ATP13A5: variants seen among roughly 807,000 people sequenced by gnomAD.
ATP13A5 encodes the protein ATPase 13A5, also known as probable cation-transporting ATPase 13A5.
ATP13A5 carries 149 observed loss-of-function variants against 150.2 expected under a neutral mutation model. The observed-to-expected ratio is 0.99, with a 90% CI of 0.87 to 1.14. The LOEUF (loss-of-function observed/expected upper bound fraction) is 1.14. Among genes scored for constraint, ATP13A5 ranks in the 50% most tolerant of loss-of-function variants. The probability of loss-of-function intolerance (pLI) is 0.00; values close to 1 mark genes in which losing one functional copy is unlikely to be tolerated. For missense variants in ATP13A5, 1,383 were observed against 1,449.3 expected (o/e 0.95, Z 0.74); for synonymous variants, 497 against 522.2 (o/e 0.95, Z 0.66).
intron 26 of ATP13A5, among the ~76,000 whole-genome samples, chr3:193,288,468 A>T (rs1717814571): frequency 2.0e-5 from 3 of 152,144 alleles, no homozygotes. Flanking sequence ...CTACCAGCAA[A>T]AAGATTATGA....
In ATP13A5 at chr3:193,331,138, GA is replaced by G; in HGVS notation, c.1445del (p.Leu482ProfsTer55). ...QRINMCGQINLVCFDKTGTLT... is the reference protein window; with the variant it reads ...QRINMCGQINXVCFDKTGTLT... ...TGGATCATACTTTGTCAAAGCACAC[GA>G]GGTTTATTTGCCCACACATGTTGAT... is the stretch of plus-strand genomic sequence containing the variant. On this transcript the variant is annotated frameshift_variant, in exon 12 of 30. Transcript: ENST00000342358. LOFTEE classifies it high-confidence loss of function. The G allele has an allele frequency of 8.7e-6, 14 of 1,613,834 alleles. No homozygotes were observed. Among genetic ancestry groups the G allele is most frequent in the Non-Finnish European group, 1.2e-5 (14 of 1,179,836 alleles).
intron 1 of ATP13A5, among the ~76,000 whole-genome samples, chr3:193,373,208 G>A (rs577301383): frequency 2.4e-4 from 37 of 152,038 alleles, no homozygotes; most frequent in Admixed American, 5.9e-4. Context: ...GCGTGATCTC[G>A]GCTCACTGCA....
intron 11 of ATP13A5, among the ~76,000 whole-genome samples, chr3:193,332,207 C>T (rs1426123489): frequency 6.6e-6 from 1 of 152,120 alleles, no homozygotes; most frequent in Admixed American, 6.6e-5. Flanking sequence ...ATGGGATTTC[C>T]CCTGCACAAA....
intron 27 of ATP13A5, among the ~76,000 whole-genome samples, chr3:193,279,852 T>C (rs1717400856): frequency 6.6e-6 from 1 of 151,894 alleles, no homozygotes; most frequent in African/African-American, 2.4e-5. Flanking sequence ...TTCCACAATC[T>C]GGTCCCAATC....
chr3:193,299,270 C>A, intron 24 of ATP13A5, 67 bp from the exon 25 acceptor site: 2 of 1,309,578 alleles, frequency 1.5e-6, no homozygotes, highest in Admixed American at 2.1e-5. Context: ...TTATTCCCTA[C>A]ACTCTTTTTA....
intron 25 of ATP13A5, among the ~76,000 whole-genome samples, chr3:193,296,444 C>T (rs1371294309): frequency 3.9e-5 from 6 of 152,226 alleles, no homozygotes; most frequent in African/African-American, 1.4e-4. Context: ...AATAGGGAAT[C>T]CTTTCCCCGT....
intron 11 of ATP13A5, among the ~76,000 whole-genome samples, chr3:193,332,908 TC>T (rs766149573): frequency 5.3e-5 from 8 of 151,988 alleles, no homozygotes; most frequent in Non-Finnish European, 7.4e-5. Context: ...ATGCTCCAGC[TC>T]CCCAGATTAA....
chr3:193,301,446 T>C (rs923737006), intron 23 of ATP13A5, 139 bp from the exon 24 acceptor site: 2 of 635,372 alleles, frequency 3.1e-6, no homozygotes, highest in Non-Finnish European at 5.5e-6. Context: ...CTCCTATTTA[T>C]TTAACCACTC....
intron 12 of ATP13A5, among the ~76,000 whole-genome samples, chr3:193,329,533 C>G (rs1322857516): frequency 6.6e-6 from 1 of 152,134 alleles, no homozygotes; most frequent in Non-Finnish European, 1.5e-5. Context: ...CTCTTATATT[C>G]CAGACACCAG....
intron 1 of ATP13A5, 78 bp from the exon 2 acceptor site, chr3:193,364,358 C>T: frequency 2.0e-6 from 3 of 1,515,834 alleles, no homozygotes; most frequent in African/African-American, 1.4e-5. Context: ...ATAAACCAAA[C>T]TTGAGATGAA....
At chr3:193,371,886 A>G (rs1368512233) in intron 1 of ATP13A5, among the ~76,000 whole-genome samples, 1 of 152,144 alleles carries the variant, frequency 6.6e-6, no homozygotes, top group Non-Finnish European at 1.5e-5. Context: ...AGAACATAAT[A>G]TAATAATAGG....
In ATP13A5 at chr3:193,362,432, T is replaced by A; in HGVS notation, c.485A>T (p.Asp162Val). 1 of 1,614,100 alleles carries A rather than the reference T, an allele frequency of 6.2e-7. No homozygotes were observed. Among genetic ancestry groups the A allele is most frequent in the Non-Finnish European group, 8.5e-7 (1 of 1,179,966 alleles). ...ACCCAATCCAAATGTCTGATGGATG[T>A]CAGAGCAGGAATTGCTGTCTTCTAG... ...GLLEDSNSCSDIHQTFGLGLT... is the reference protein window; with the variant it reads ...GLLEDSNSCSVIHQTFGLGLT... The change falls in exon 5 of 30, where the codon GAC becomes GTC. Residue 162 changes from aspartate (D) to valine (V), a missense_variant. Physicochemically the swap from Asp to Val is radical, Grantham distance 152. Around this residue, in one of 3 missense-constraint regions of ATP13A5, gnomAD observed 787 missense variants for 771.9 expected, o/e 1.02. Coordinates refer to ENST00000342358, the MANE Select transcript of ATP13A5 (RefSeq NM_198505.4).
chr3:193,378,409 G>A (rs1026243886), intron 1 of ATP13A5, among the ~76,000 whole-genome samples: 3 of 152,152 alleles, frequency 2.0e-5, no homozygotes, highest in African/African-American at 4.8e-5. Flanking sequence ...GTAAATGTGC[G>A]AGGAAACATC....
At chr3:193,346,837 A>C (rs73074782) in intron 7 of ATP13A5, among the ~76,000 whole-genome samples, 10,249 of 152,162 alleles carry the variant, frequency 0.067, 1,086 homozygotes, top group African/African-American at 0.22. Flanking sequence ...TGTTTAGTGC[A>C]TATTCATTGC....
At chr3:193,281,308 T>A in intron 27 of ATP13A5, 1 of 556,062 alleles carries the variant, frequency 1.8e-6, no homozygotes, top group Non-Finnish European at 2.3e-6. Context: ...CATCACTGTC[T>A]AATGGTCTAA....
At chr3:193,307,262 A>G in intron 22 of ATP13A5, 65 bp downstream of exon 22, 4 of 1,611,378 alleles carry the variant, frequency 2.5e-6, no homozygotes, top group Non-Finnish European at 3.4e-6. Flanking sequence ...ACCCCAGGAG[A>G]GCCTGAGGTC....
chr3:193,336,943 A>G lies in ATP13A5; in HGVS notation c.944-1844T>C, dbSNP rs562973540. Among the ~76,000 whole-genome samples, 349 of 152,164 alleles carry G rather than the reference A, an allele frequency of 2.3e-3. 3 individuals are homozygous for G. The highest frequency in any genetic ancestry group is 7.8e-3 in the African/African-American group (323 of 41,500). On this transcript the variant is annotated intron_variant, in intron 9 of 29. Coordinates refer to ENST00000342358, the MANE Select transcript of ATP13A5 (RefSeq NM_198505.4). ...TGATTGCCATTCTAACTGGTGTGAG[A>G]TGGTGTCTCATTGTGGTTTTGATTT...
intron 24 of ATP13A5, among the ~76,000 whole-genome samples, chr3:193,300,294 G>A (rs1467817791): frequency 2.0e-5 from 3 of 152,130 alleles, no homozygotes; most frequent in East Asian, 3.9e-4. Flanking sequence ...AAGCTTTCAT[G>A]GAACTATGGA....
rs1028863850 is a variant in ATP13A5 at position 193,276,892 on chromosome 3, A to G, written c.3316-62T>C. 5 of 1,175,416 alleles carry G rather than the reference A, an allele frequency of 4.3e-6. No homozygotes were observed. The Admixed American group carries it at 8.5e-5, about 20-fold the overall frequency. 72.8% of individuals were successfully genotyped at this position (1,175,416 alleles called of 1,614,324 possible). A position where few individuals can be genotyped will look rare whatever the true frequency, so the allele number is the denominator to read the frequency against. On this transcript the variant is annotated intron_variant, in intron 28 of 29. Transcript: ENST00000342358. ...ACTTCACACTTTGAAAAAAGACCAT[A>G]TTAATTATTTAATTTATAGATTTGT...
Sources: allele counts gnomAD v4.1 joint callset (sites outside exome capture counted in the v4.1 genomes callset), GRCh38; gene constraint gnomAD v4.1.1; regional missense constraint gnomAD v4.1.1; transcripts MANE v1.5; gene names NCBI Gene and HGNC (gene_info 2026-07-23, HGNC 2026-07-21).